RPN2: variants seen among roughly 807,000 people sequenced by gnomAD.
RPN2 encodes the protein ribophorin II, also known as dolichyl-diphosphooligosaccharide--protein glycosyltransferase subunit 2.
A neutral mutation model predicts 71.4 loss-of-function variants in RPN2; 29 were observed. That is an observed-to-expected ratio of 0.41 (90% CI 0.30 to 0.55). The LOEUF (loss-of-function observed/expected upper bound fraction) is 0.55. Ranked by LOEUF, RPN2 falls within the 20% of genes least tolerant of loss-of-function variation. The pLI, the probability that RPN2 is intolerant of heterozygous loss-of-function variation, is 0.35. For missense variants in RPN2, 726 were observed against 774.1 expected (o/e 0.94, Z 0.74); for synonymous variants, 308 against 305.0 (o/e 1.01, Z -0.10).
At chr20:37,212,026 C>T (rs1177890006) in intron 8 of RPN2, among the ~76,000 whole-genome samples, 3 of 152,262 alleles carry the variant, frequency 2.0e-5, no homozygotes, top group South Asian at 2.1e-4. Context: ...CCACCTCAGC[C>T]TCCAAAGTGC....
Position 37,207,095 on chromosome 20 carries a change from A to G in RPN2, c.691-178A>G, listed in dbSNP as rs6073676. Among the ~76,000 whole-genome samples, 117,443 of 152,044 alleles carry G rather than the reference A, an allele frequency of 0.77. 45,820 individuals carry two copies. The highest frequency in any genetic ancestry group is 0.89 in the Middle Eastern group (263 of 294). On this transcript the variant is annotated intron_variant, in intron 6 of 16. Coordinates refer to ENST00000237530, the MANE Select transcript of RPN2 (RefSeq NM_002951.5). ...ATGGAAAAAAAAACAACCACATCCA[A>G]GTTCTAAGTTTAAATGCAGAATATT...
chr20:37,231,583 G>A (rs1181672382), intron 13 of RPN2, among the ~76,000 whole-genome samples: 1 of 151,856 alleles, frequency 6.6e-6, no homozygotes, highest in Non-Finnish European at 1.5e-5. Context: ...GTGGTGGCGC[G>A]TACCTGTAGT....
intron 16 of RPN2, chr20:37,238,264 A>C: frequency 1.4e-6 from 1 of 726,204 alleles, no homozygotes; most frequent in African/African-American, 1.7e-5. Flanking sequence ...CCTCTTTGTG[A>C]GTCCTAGAAT....
At chr20:37,219,354 TG>T (rs955633240) in intron 9 of RPN2, among the ~76,000 whole-genome samples, 2 of 152,188 alleles carry the variant, frequency 1.3e-5, no homozygotes, top group Non-Finnish European at 2.9e-5. Flanking sequence ...CATTGTCCAT[TG>T]AAAAAAATGT....
At position 37,234,066 on chromosome 20, in the gene RPN2, G is replaced by T; in HGVS notation, c.1724G>T (p.Ser575Ile). 1 of 1,614,176 alleles carries T rather than the reference G, an allele frequency of 6.2e-7. No individual in the cohort carries two copies. Reference protein sequence around the residue: ...ANVSNFTFAPSTIIFHLGHAA... With the variant: ...ANVSNFTFAPITIIFHLGHAA... Reference sequence around the variant, plus strand: ...GTCTCCAACTTCACTTTTGCTCCTAGCACGATTATATTTCACCTGGGACAT... The same window carrying T: ...GTCTCCAACTTCACTTTTGCTCCTATCACGATTATATTTCACCTGGGACAT... Residue 575 changes from serine (S) to isoleucine (I), a missense_variant, in exon 15 of 17, where the codon AGC (serine) becomes ATC (isoleucine). Ser to Ile is a moderately radical substitution (Grantham distance 142). Transcript: ENST00000237530.
At chr20:37,219,212 C>T (rs1367035374) in intron 9 of RPN2, among the ~76,000 whole-genome samples, 2 of 152,126 alleles carry the variant, frequency 1.3e-5, no homozygotes, top group Admixed American at 6.5e-5. Context: ...TTTTCGCCAT[C>T]GTAGTGGGTA....
At chr20:37,234,227 C>A in intron 15 of RPN2, 132 bp downstream of exon 15, 1 of 919,256 alleles carries the variant, frequency 1.1e-6, no homozygotes, top group Non-Finnish European at 1.7e-6. Flanking sequence ...CCTCTTCCTC[C>A]TGGCCTTTTA....
In RPN2 at chr20:37,238,558, C is replaced by T. The variant is rs572033837; in HGVS notation, c.1883+1849C>T. 8.1e-4 allele frequency: 647 copies of T among 800,604 alleles called. 4 individuals carry two copies. Among genetic ancestry groups the T allele is most frequent in the Non-Finnish European group, 1.5e-4 (68 of 460,346 alleles). The allele number at this position is 800,604 out of a possible 1,614,324, so 49.6% of individuals were successfully genotyped here. The stretch of plus-strand genomic sequence containing the variant: ...TTTTCAGCCCACTTGCTCCTCCCAC[C>T]CCTCCCTAAGCCACAGCTGAATTCT... On this transcript the variant is annotated intron_variant, in intron 16 of 16. Coordinates refer to ENST00000237530, the MANE Select transcript of RPN2 (RefSeq NM_002951.5).
intron 10 of RPN2, 43 bp downstream of exon 10, chr20:37,224,012 A>G (rs777797703): frequency 3.6e-5 from 55 of 1,534,224 alleles, no homozygotes; most frequent in Non-Finnish European, 4.7e-5. Context: ...CTGAGGCTCA[A>G]GAGCTGAGAG....
Position 37,241,578 on chromosome 20 carries a change from A to T in RPN2, c.*263A>T. 1 of 529,148 alleles carries T rather than the reference A, an allele frequency of 1.9e-6. No homozygotes were observed. Among genetic ancestry groups the T allele is most frequent in the Non-Finnish European group, 3.4e-6 (1 of 292,838 alleles). The allele number at this position is 529,148 out of a possible 1,614,324, so 32.8% of individuals were successfully genotyped here. ...CCCAGATGTTGCTTTTGAAAAGTTG[A>T]AATGTGTAATTGTTTTGGAATAAAG... On this transcript the variant is annotated 3_prime_UTR_variant, in exon 17 of 17. Transcript: ENST00000237530.
intron 1 of RPN2, chr20:37,179,580 G>A: frequency 7.7e-7 from 1 of 1,290,968 alleles, no homozygotes. Flanking sequence ...GTGCCTGGGG[G>A]AGGGGTGCAG....
chr20:37,230,483 GT>G (rs2068210287), intron 13 of RPN2, among the ~76,000 whole-genome samples: 1 of 152,196 alleles, frequency 6.6e-6, no homozygotes, highest in Non-Finnish European at 1.5e-5. Flanking sequence ...AGCAAGCCTG[GT>G]CCTGTCCTGC....
chr20:37,211,718 A>G (rs2067674406), intron 8 of RPN2, among the ~76,000 whole-genome samples: 2 of 150,176 alleles, frequency 1.3e-5, no homozygotes, highest in African/African-American at 4.9e-5. Flanking sequence ...ATAGGATTAA[A>G]TATTCTTTTA....
At position 37,199,105 on chromosome 20, in the gene RPN2, C is replaced by T. The variant is rs770063411; in HGVS notation, c.359C>T (p.Ser120Leu). ...DLLLAAVSED[S>L]SVTQIYHAVA... ...CTTCTGGCAGCTGTCAGTGAGGACT[C>T]ATCTGTTACCCAGATCTACCATGCA... is the stretch of plus-strand genomic sequence containing the variant. Residue 120 changes from serine to leucine, a missense_variant, in exon 4 of 17, where the codon TCA becomes TTA. By Grantham distance (145) the Ser-to-Leu change is moderately radical. Transcript: ENST00000237530. 1.9e-6 allele frequency: 3 copies of T among 1,613,420 alleles called. No homozygotes were observed. The East Asian group carries it at 6.7e-5, about 36-fold the overall frequency.
chr20:37,238,300 A>G (rs954889931), intron 16 of RPN2: 33 of 875,684 alleles, frequency 3.8e-5, no homozygotes, highest in Non-Finnish European at 6.0e-5. Context: ...AAAATCAGTG[A>G]CCCTAATGGA....
chr20:37,227,557 G>A (rs2068109477), intron 11 of RPN2, among the ~76,000 whole-genome samples: 1 of 152,180 alleles, frequency 6.6e-6, no homozygotes, highest in African/African-American at 2.4e-5. Flanking sequence ...CTTTGGTGGT[G>A]GTTCTTTGTT....
rs1488873430 is a variant in RPN2, at chr20:37,184,593, C to T, written c.207+220C>T. On this transcript the variant is annotated intron_variant, in intron 2 of 16. Transcript: ENST00000237530. ...GGATCACGAGGTCAGGAGTTCGAGA[C>T]CAGCCTGGCCAGTGCAGTGAAACCC... 5.3e-5 allele frequency among the ~76,000 whole-genome samples: 8 copies of T among 152,176 alleles called. No individual in the cohort carries two copies. In the South Asian group the frequency reaches 6.2e-4, roughly 12 times the overall value.
intron 4 of RPN2, among the ~76,000 whole-genome samples, chr20:37,201,382 G>A (rs112607397): frequency 0.021 from 3,192 of 149,964 alleles, 51 homozygotes; most frequent in Non-Finnish European, 0.032. Flanking sequence ...ACTCTTGGGC[G>A]TGAGCGATTC....
At chr20:37,227,185 C>T (rs574585246) in intron 11 of RPN2, among the ~76,000 whole-genome samples, 2 of 152,320 alleles carry the variant, frequency 1.3e-5, no homozygotes, top group Non-Finnish European at 2.9e-5. Flanking sequence ...AGTACTTCAG[C>T]CTCTTAGCAT....
Sources: gnomAD v4.1 joint callset for allele counts (sites outside exome capture counted in the v4.1 genomes callset) on GRCh38, gnomAD v4.1.1 for gene constraint, MANE v1.5 for transcripts, NCBI Gene and HGNC (gene_info 2026-07-23, HGNC 2026-07-21) for gene names.